XYLB: variants seen among roughly 807,000 people sequenced by gnomAD.
XYLB encodes xylulokinase, also known as xylulose kinase.
A neutral mutation model predicts 78.7 loss-of-function variants in XYLB; 62 were observed. The observed-to-expected ratio is 0.79, with a 90% CI of 0.64 to 0.97. The LOEUF is 0.97. Among genes scored for constraint, XYLB ranks in the 50% least tolerant of loss-of-function variants. The probability of loss-of-function intolerance (pLI) is 0.00; values close to 1 mark genes in which losing one functional copy is unlikely to be tolerated. For missense variants in XYLB, 687 were observed against 676.8 expected, an observed-to-expected ratio of 1.02 and a Z score of -0.17; for synonymous variants, 245 against 247.4, an observed-to-expected ratio of 0.99 and a Z score of 0.09.
At chr3:38,388,707 C>T (rs1458898292) in intron 15 of XYLB, among the ~76,000 whole-genome samples, 1 of 151,924 alleles carries the variant, frequency 6.6e-6, no homozygotes, top group South Asian at 2.1e-4. Flanking sequence ...ATGTTATATC[C>T]ACAACATGAT....
At chr3:38,439,473 T>G in the XYLB span, among the ~76,000 whole-genome samples, 2 of 152,172 alleles carry the variant, frequency 1.3e-5, no homozygotes, top group Non-Finnish European at 2.9e-5. Flanking sequence ...TATAAGAGTT[T>G]GAAAGGCGGC....
chr3:38,372,469 TTG>T, intron 9 of XYLB, 184 bp from the exon 10 acceptor site: 3 of 985,376 alleles, frequency 3.0e-6, no homozygotes, highest in Non-Finnish European at 3.6e-6. Context: ...CTCTGGCGAT[TTG>T]TGAACAGGAG....
downstream of XYLB, among the ~76,000 whole-genome samples, chr3:38,417,412 A>C (rs1029486694): frequency 6.6e-6 from 1 of 152,224 alleles, no homozygotes; most frequent in Non-Finnish European, 1.5e-5. Flanking sequence ...TATCTCAAAA[A>C]TAATTGTGAG....
At chr3:38,433,951 A>G in the XYLB span, among the ~76,000 whole-genome samples, 1 of 152,248 alleles carries the variant, frequency 6.6e-6, no homozygotes, top group Admixed American at 6.5e-5. Flanking sequence ...TAATTTATAA[A>G]GAAAAGAAGT....
At position 38,376,906 on chromosome 3, in the gene XYLB, G is replaced by T; in HGVS notation, c.1121-12G>T. On this transcript the variant is annotated splice_polypyrimidine_tract_variant and intron_variant, in intron 13 of 18. Transcript: ENST00000207870. ...ACTAATGACGGCTGATCTCTTCCTG[G>T]TTTTATTTCAGGTTTTTATTTTGAT... is the stretch of plus-strand genomic sequence containing the variant. 1 of 1,611,974 alleles carries T rather than the reference G, an allele frequency of 6.2e-7. No individual in the cohort carries two copies. Among genetic ancestry groups the T allele is most frequent in the South Asian group, 1.1e-5 (1 of 90,938 alleles).
At chr3:38,447,124 A>G in the XYLB span, among the ~76,000 whole-genome samples, 1 of 152,224 alleles carries the variant, frequency 6.6e-6, no homozygotes, top group Non-Finnish European at 1.5e-5. Context: ...ACATGCATAG[A>G]CATTTTGAAA....
chr3:38,435,746 C>T, the XYLB span, among the ~76,000 whole-genome samples: 1 of 152,064 alleles, frequency 6.6e-6, no homozygotes, highest in Non-Finnish European at 1.5e-5. Context: ...TCAAGTATCT[C>T]CTCTGACCAC....
chr3:38,430,982 G>T, the XYLB span, among the ~76,000 whole-genome samples: 1 of 152,194 alleles, frequency 6.6e-6, no homozygotes, highest in Non-Finnish European at 1.5e-5. Flanking sequence ...TTGAAGTCAG[G>T]TAGCATGATG....
chr3:38,396,473 G>C (rs1448581193), intron 16 of XYLB, among the ~76,000 whole-genome samples: 1 of 152,164 alleles, frequency 6.6e-6, no homozygotes, highest in African/African-American at 2.4e-5. Flanking sequence ...AGGTAGTGCT[G>C]CAAGCCATTA....
intron 18 of XYLB, among the ~76,000 whole-genome samples, chr3:38,406,762 C>A (rs1411047295): frequency 6.6e-6 from 1 of 152,124 alleles, no homozygotes; most frequent in Non-Finnish European, 1.5e-5. Flanking sequence ...CCGATGCGAT[C>A]AGCTGGAAGA....
downstream of XYLB, among the ~76,000 whole-genome samples, chr3:38,417,753 G>A (rs924892014): frequency 6.6e-6 from 1 of 151,686 alleles, no homozygotes; most frequent in East Asian, 1.9e-4. Flanking sequence ...GGTGGTGCAT[G>A]CCTGTAGTCC....
At chr3:38,398,241 G>A (rs113497390) in intron 17 of XYLB, among the ~76,000 whole-genome samples, 9,771 of 151,254 alleles carry the variant, frequency 0.065, 427 homozygotes, top group Admixed American at 0.14. Flanking sequence ...AGGCCGAGGC[G>A]GGTGGATCAC....
chr3:38,374,473 G>C lies in XYLB; in HGVS notation c.859G>C (p.Gly287Arg). The change falls in exon 11 of 19, where the codon GGC becomes CGC. Residue 287 changes from glycine (G) to arginine (R), a missense_variant. Coordinates refer to ENST00000207870, the MANE Select transcript of XYLB (RefSeq NM_005108.4). Reference protein sequence around the residue: ...FTGDNPASLAGMRLEEGDIAV... With the variant: ...FTGDNPASLARMRLEEGDIAV... ...CCTCCCATTCTCAGCGTCGCTGGCA[G>C]GCATGAGACTGGAGGAAGGTGACAT... 6.2e-7 allele frequency: 1 copy of C among 1,614,056 alleles called. No homozygotes were observed. The highest frequency in any genetic ancestry group is 8.5e-7 in the Non-Finnish European group (1 of 1,179,972).
chr3:38,434,553 A>G, the XYLB span, among the ~76,000 whole-genome samples: 1 of 152,258 alleles, frequency 6.6e-6, no homozygotes, highest in South Asian at 2.1e-4. Context: ...GACTGGTCCT[A>G]CAAGAAATGC....
intron 2 of XYLB, among the ~76,000 whole-genome samples, chr3:38,353,649 G>A (rs1358994932): frequency 6.6e-6 from 1 of 151,968 alleles, no homozygotes; most frequent in African/African-American, 2.4e-5. Flanking sequence ...ACCTTTAAGA[G>A]GCTGAGGTGG....
intron 6 of XYLB, among the ~76,000 whole-genome samples, chr3:38,366,070 T>C (rs1476518533): frequency 6.8e-6 from 1 of 145,990 alleles, no homozygotes; most frequent in Admixed American, 6.9e-5. Flanking sequence ...CTGAAAGAAG[T>C]CAGTGCATGT....
intron 2 of XYLB, among the ~76,000 whole-genome samples, chr3:38,349,842 G>A (rs779089993): frequency 3.9e-5 from 6 of 152,130 alleles, no homozygotes; most frequent in Non-Finnish European, 7.3e-5. Context: ...GTGGTCACTC[G>A]GTGCAGGAGT....
intron 10 of XYLB, 150 bp from the exon 11 acceptor site, chr3:38,374,312 G>T: frequency 9.4e-7 from 1 of 1,063,404 alleles, no homozygotes; most frequent in Non-Finnish European, 1.4e-6. Context: ...AGGGCCTCCT[G>T]AGCGCTCAGC....
intron 15 of XYLB, among the ~76,000 whole-genome samples, chr3:38,389,523 G>A (rs1349605159): frequency 2.0e-5 from 3 of 152,270 alleles, no homozygotes; most frequent in Middle Eastern, 3.4e-3. Context: ...AGGGGCGGCC[G>A]GGCAGAGGCA....
Sources: gnomAD v4.1 joint callset for allele counts (sites outside exome capture counted in the v4.1 genomes callset) on GRCh38, gnomAD v4.1.1 for gene constraint, MANE v1.5 for transcripts, NCBI Gene and HGNC (gene_info 2026-07-23, HGNC 2026-07-21) for gene names.